Variants in STS observed in about 807,000 individuals in gnomAD.
STS encodes the protein steroid sulfatase.
In STS, 7 loss-of-function variants were observed where a neutral mutation model predicts 26.8. The ratio of observed to expected loss-of-function variants is 0.26; its 90% CI spans 0.15 to 0.49. The LOEUF is 0.49. STS is among the 20% of genes least tolerant of loss of function. The pLI, the probability that STS is intolerant of heterozygous loss-of-function variation, is 0.98. For missense variants in STS, 434 were observed against 465.6 expected (o/e 0.93, Z 0.63); for synonymous variants, 199 against 189.4 (o/e 1.05, Z -0.42).
At chrX:7,307,279 TG>T (rs1926265840) in intron 8 of STS, among the ~76,000 whole-genome samples, 1 of 111,735 alleles carries the variant, frequency 8.9e-6, no homozygotes, top group Non-Finnish European at 1.9e-5. Context: ...AGCCCTTCTC[TG>T]TGTGCCATGT....
intron 2 of STS, among the ~76,000 whole-genome samples, chrX:7,239,814 G>C (rs370124678): frequency 4.4e-4 from 48 of 109,172 alleles, no homozygotes; most frequent in African/African-American, 1.6e-3. Flanking sequence ...CAGGCTTGTA[G>C]GAAAGAAAAA....
At chrX:7,240,465 G>GCA (rs3077768) in intron 2 of STS, among the ~76,000 whole-genome samples, 186 of 85,132 alleles carry the variant, frequency 2.2e-3, no homozygotes, top group African/African-American at 3.0e-3. Flanking sequence ...GAGCGCGCGC[G>GCA]CACACACACA....
At chrX:7,194,412 A>G (rs1455435380) in intron 2 of STS, among the ~76,000 whole-genome samples, 6 of 111,800 alleles carry the variant, frequency 5.4e-5, no homozygotes, top group African/African-American at 1.6e-4. Flanking sequence ...TGTGACCACC[A>G]GCTACATGAC....
intron 6 of STS, among the ~76,000 whole-genome samples, chrX:7,273,842 A>G (rs753169619): frequency 1.2e-4 from 13 of 111,094 alleles, no homozygotes; most frequent in East Asian, 2.8e-4. Context: ...TTGTTTGGCA[A>G]TATTATTAAG....
At chrX:7,189,016 G>A (rs1287890614) in intron 1 of STS, among the ~76,000 whole-genome samples, 1 of 111,086 alleles carries the variant, frequency 9.0e-6, no homozygotes, top group African/African-American at 3.3e-5. Flanking sequence ...CCATCTCTGG[G>A]GGGAAAAAAT....
intron 7 of STS, among the ~76,000 whole-genome samples, chrX:7,284,419 A>G (rs1925028049): frequency 9.0e-6 from 1 of 111,547 alleles, no homozygotes; most frequent in Non-Finnish European, 1.9e-5. Context: ...ACAACTAGTT[A>G]TCTCTTCATA....
intron 1 of STS, among the ~76,000 whole-genome samples, chrX:7,173,401 A>G (rs761128631): frequency 4.5e-5 from 5 of 111,704 alleles, no homozygotes; most frequent in Non-Finnish European, 9.4e-5. Flanking sequence ...CAGTGAACAT[A>G]CACGTGCATG....
intron 1 of STS, among the ~76,000 whole-genome samples, chrX:7,161,139 G>A (rs966668777): frequency 4.9e-4 from 37 of 75,018 alleles, no homozygotes; most frequent in Non-Finnish European, 1.3e-4. Context: ...TTTTTTTTTT[G>A]TATTTTTAGT....
intron 1 of STS, among the ~76,000 whole-genome samples, chrX:7,155,882 C>G (rs1284005067): frequency 4.5e-5 from 5 of 112,168 alleles, no homozygotes; most frequent in African/African-American, 1.6e-4. Flanking sequence ...GGTATGGAGG[C>G]TCACGCCTAT....
At chrX:7,186,947 A>G (rs1933783701) in intron 1 of STS, among the ~76,000 whole-genome samples, 1 of 111,621 alleles carries the variant, frequency 9.0e-6, no homozygotes, top group Non-Finnish European at 1.9e-5. Flanking sequence ...CTGTTGCAAC[A>G]AAGACCTCAG....
chrX:7,299,341 CAT>C (rs1445108258), intron 7 of STS, among the ~76,000 whole-genome samples: 34 of 96,589 alleles, frequency 3.5e-4, no homozygotes, highest in African/African-American at 9.9e-4. Context: ...TATTATAAAA[CAT>C]AATTTACATG....
intron 6 of STS, among the ~76,000 whole-genome samples, chrX:7,264,053 T>A (rs1236696138): frequency 8.9e-6 from 1 of 111,949 alleles, no homozygotes; most frequent in Non-Finnish European, 1.9e-5. Context: ...GAGCTATTTG[T>A]CATGATTTTC....
chrX:7,147,940 C>G lies in STS; in HGVS notation c.-277C>G. On this transcript the variant is annotated 5_prime_UTR_variant, in exon 1 of 11. Transcript: ENST00000674429. ...AGAGCGCGCGGGAGCCCGAGCGTCC[C>G]TGCATGAACACCGCCCCGCCGCGGC... The G allele has an allele frequency of 6.6e-6, 4 of 608,187 alleles. No individual in the cohort carries two copies. The highest frequency in any genetic ancestry group is 1.0e-5 in the Non-Finnish European group (4 of 392,539). 50.1% of individuals were successfully genotyped at this position (608,187 alleles called of 1,213,427 possible). A position where few individuals can be genotyped will look rare whatever the true frequency, so the allele number is the denominator to read the frequency against.
At chrX:7,209,545 A>G (rs1414086201) in intron 2 of STS, among the ~76,000 whole-genome samples, 1 of 49,678 alleles carries the variant, frequency 2.0e-5, no homozygotes, top group African/African-American at 6.4e-5. Context: ...TTAAAAATGA[A>G]TTCGAATAGA....
chrX:7,287,048 C>T (rs1925167686), intron 7 of STS, among the ~76,000 whole-genome samples: 1 of 111,460 alleles, frequency 9.0e-6, no homozygotes, highest in Non-Finnish European at 1.9e-5. Context: ...GAGACAGTAG[C>T]TATGAGATGC....
At chrX:7,168,295 G>T (rs189712660) in intron 1 of STS, among the ~76,000 whole-genome samples, 210 of 111,409 alleles carry the variant, frequency 1.9e-3, no homozygotes, top group African/African-American at 6.7e-3. Context: ...ATAACCTAAT[G>T]GCAAACAGAT....
At chrX:7,314,337 A>T (rs1162806572) in intron 8 of STS, among the ~76,000 whole-genome samples, 1 of 111,475 alleles carries the variant, frequency 9.0e-6, no homozygotes, top group African/African-American at 3.3e-5. Flanking sequence ...AGCCTGGGTA[A>T]CAAAGTGAGA....
At chrX:7,259,223 T>C in intron 5 of STS, 126 bp from the exon 6 acceptor site, 1 of 717,344 alleles carries the variant, frequency 1.4e-6, no homozygotes, top group Non-Finnish European at 2.2e-6. Flanking sequence ...TAGGGTCCTA[T>C]GAGCGGGAAG....
chrX:7,253,208 C>G lies in STS; in HGVS notation c.9C>G (p.Ile3Met), dbSNP rs1363275818. Residue 3 changes from isoleucine to methionine, a missense_variant, in exon 3 of 11, where the codon ATC (isoleucine) becomes ATG (methionine). By Grantham distance (10) the Ile-to-Met change is conservative (BLOSUM62 1). This residue lies in a region of STS where 229 missense variants were observed against 288.3 expected (regional missense o/e 0.79). Transcript: ENST00000674429. MK[I>M]PFLLLFFLWE... ...TTGTCCTTTACAGGAAGATGAAGAT[C>G]CCTTTCCTCCTACTGTTCTTTCTGT... 2 of 1,209,266 alleles carry G rather than the reference C, an allele frequency of 1.7e-6. No homozygotes were observed. Among genetic ancestry groups the G allele is most frequent in the African/African-American group, 1.8e-5 (1 of 57,079 alleles).
Sources: allele counts gnomAD v4.1 joint callset (sites outside exome capture counted in the v4.1 genomes callset), GRCh38; gene constraint gnomAD v4.1.1; regional missense constraint gnomAD v4.1.1; transcripts MANE v1.5; gene names NCBI Gene and HGNC (gene_info 2026-07-23, HGNC 2026-07-21).